CAMK1D: variants seen among roughly 807,000 people sequenced by gnomAD.
The protein encoded by CAMK1D is calcium/calmodulin dependent protein kinase ID.
CAMK1D carries 9 observed loss-of-function variants against 47.7 expected under a neutral mutation model. That is an observed-to-expected ratio of 0.19 (90% CI 0.11 to 0.33). The LOEUF (loss-of-function observed/expected upper bound fraction) is 0.33. CAMK1D is among the 10% of genes least tolerant of loss of function. CAMK1D has a pLI of 1.00. For synonymous variants in CAMK1D, 184 were observed against 184.9 expected (o/e 0.99, Z 0.04); for missense variants, 291 against 488.7 (o/e 0.60, Z 3.81).
intron 3 of CAMK1D, among the ~76,000 whole-genome samples, chr10:12,687,810 A>G (rs931497451): frequency 2.0e-5 from 3 of 152,214 alleles, no homozygotes. Context: ...TTTCCTCCCC[A>G]TTGATGAGCT....
chr10:12,557,571 GAAAA>G (rs1476632028), intron 2 of CAMK1D, among the ~76,000 whole-genome samples: 1 of 132,752 alleles, frequency 7.5e-6, no homozygotes, highest in African/African-American at 2.7e-5. Context: ...AAAAAAAAAA[GAAAA>G]AAGAAAAAAG....
At chr10:12,709,959 C>G (rs967922920) in intron 3 of CAMK1D, among the ~76,000 whole-genome samples, 1 of 152,178 alleles carries the variant, frequency 6.6e-6, no homozygotes, top group Non-Finnish European at 1.5e-5. Flanking sequence ...GTTTCCCCAG[C>G]TCTGGAGTCA....
intron 3 of CAMK1D, among the ~76,000 whole-genome samples, chr10:12,729,216 G>C (rs906598262): frequency 6.6e-6 from 1 of 152,158 alleles, no homozygotes; most frequent in Non-Finnish European, 1.5e-5. Flanking sequence ...GAGTGCCCGT[G>C]GCTGTTCTAG....
rs190688144 is a variant in CAMK1D, at chr10:12,486,513, G to A, written c.93-66712G>A. Among the ~76,000 whole-genome samples the A allele has an allele frequency of 4.9e-3, 637 of 129,286 alleles. 1 individual carries two copies. The highest frequency in any genetic ancestry group is 8.3e-3 in the Admixed American group (102 of 12,310). The allele number at this position is 129,286 out of a possible 152,430, so 84.8% of individuals were successfully genotyped here. ...GATAAATCATGCACCATGTACCCAC[G>A]TGTGCATGTGTGCGCGTGCACACAC... is the stretch of plus-strand genomic sequence containing the variant. On this transcript the variant is annotated intron_variant, in intron 1 of 10. Transcript: ENST00000619168.
chr10:12,558,503 G>A (rs538496136), intron 2 of CAMK1D, among the ~76,000 whole-genome samples: 2 of 152,064 alleles, frequency 1.3e-5, no homozygotes, highest in Admixed American at 1.3e-4. Context: ...ACAGTGAACC[G>A]AGATCGTGCC....
chr10:12,625,465 G>A (rs1347495679), intron 2 of CAMK1D, among the ~76,000 whole-genome samples: 1 of 150,052 alleles, frequency 6.7e-6, no homozygotes, highest in East Asian at 2.0e-4. Context: ...CTCCTGAGTA[G>A]CTAGGACTAC....
intron 1 of CAMK1D, among the ~76,000 whole-genome samples, chr10:12,506,924 A>C (rs1834895217): frequency 6.6e-6 from 1 of 152,168 alleles, no homozygotes; most frequent in African/African-American, 2.4e-5. Context: ...ATGCTCCATG[A>C]ATGTGTGTGG....
intron 1 of CAMK1D, among the ~76,000 whole-genome samples, chr10:12,446,275 T>C (rs1364531845): frequency 6.6e-6 from 1 of 152,186 alleles, no homozygotes; most frequent in Non-Finnish European, 1.5e-5. Context: ...TTTCCCACTT[T>C]TATGGTTATT....
chr10:12,490,910 C>A (rs1254928776), intron 1 of CAMK1D, among the ~76,000 whole-genome samples: 3 of 152,024 alleles, frequency 2.0e-5, no homozygotes, highest in South Asian at 2.1e-4. Context: ...TCACACATGC[C>A]CCATAAATAT....
At chr10:12,525,482 T>C (rs1835590579) in intron 1 of CAMK1D, among the ~76,000 whole-genome samples, 1 of 152,232 alleles carries the variant, frequency 6.6e-6, no homozygotes, top group Non-Finnish European at 1.5e-5. Flanking sequence ...CATTTTGTTG[T>C]CATCTACGTT....
intron 2 of CAMK1D, among the ~76,000 whole-genome samples, chr10:12,564,377 T>A (rs1419464608): frequency 6.6e-6 from 1 of 152,174 alleles, no homozygotes; most frequent in African/African-American, 2.4e-5. Context: ...TTTGGCATGA[T>A]TCATATGGCA....
At chr10:12,615,277 T>G (rs1200270911) in intron 2 of CAMK1D, among the ~76,000 whole-genome samples, 1 of 152,264 alleles carries the variant, frequency 6.6e-6, no homozygotes, top group Non-Finnish European at 1.5e-5. Flanking sequence ...TTCACTATTT[T>G]TGACCCTCGA....
At chr10:12,426,329 G>A (rs777147214) in intron 1 of CAMK1D, among the ~76,000 whole-genome samples, 6 of 151,178 alleles carry the variant, frequency 4.0e-5, no homozygotes, top group African/African-American at 1.5e-4. Flanking sequence ...TCACTGCAAC[G>A]TCCACCTCCC....
At position 12,638,821 on chromosome 10, in the gene CAMK1D, G is replaced by A. The variant is rs181276704; in HGVS notation, c.225-27915G>A. Among the ~76,000 whole-genome samples, 610 of 152,302 alleles carry A rather than the reference G, an allele frequency of 4.0e-3. 1 individual carries two copies. Among genetic ancestry groups the A allele is most frequent in the Non-Finnish European group, 6.8e-3 (460 of 68,034 alleles). On this transcript the variant is annotated intron_variant, in intron 2 of 10. Transcript: ENST00000619168. ...ATGTGGAAGAACAGTGGGAGTGAGC[G>A]AGGGGGTGAGGTTCCCCATCTTCCT... is the stretch of plus-strand genomic sequence containing the variant.
chr10:12,651,490 C>G (rs1839963050), intron 2 of CAMK1D, among the ~76,000 whole-genome samples: 2 of 152,076 alleles, frequency 1.3e-5, no homozygotes, highest in Admixed American at 1.3e-4. Flanking sequence ...TTCCCAGTCT[C>G]AGGAGATCCT....
At chr10:12,397,477 G>T (rs10906143) in intron 1 of CAMK1D, among the ~76,000 whole-genome samples, 33,518 of 152,108 alleles carry the variant, frequency 0.22, 4,537 homozygotes, top group East Asian at 0.3. Context: ...CGGAGGTCCT[G>T]TAGGCCACTC....
chr10:12,760,805 C>T, intron 3 of CAMK1D, 143 bp from the exon 4 acceptor site: 1 of 821,300 alleles, frequency 1.2e-6, no homozygotes, highest in South Asian at 1.7e-5. Flanking sequence ...CTGGCTATAG[C>T]CTCTGAGGAA....
intron 3 of CAMK1D, among the ~76,000 whole-genome samples, chr10:12,718,613 C>T (rs995771942): frequency 6.6e-6 from 1 of 152,162 alleles, no homozygotes; most frequent in African/African-American, 2.4e-5. Context: ...TTCAGAGTTT[C>T]GAGCTGAAGT....
chr10:12,657,276 T>C (rs1219837552), intron 2 of CAMK1D, among the ~76,000 whole-genome samples: 1 of 151,834 alleles, frequency 6.6e-6, no homozygotes, highest in East Asian at 1.9e-4. Flanking sequence ...AATACAAAAA[T>C]TAGCTGAGTG....
Sources: allele counts gnomAD v4.1 joint callset (sites outside exome capture counted in the v4.1 genomes callset), GRCh38; gene constraint gnomAD v4.1.1; transcripts MANE v1.5; gene names NCBI Gene and HGNC (gene_info 2026-07-23, HGNC 2026-07-21).